The following ABL2 variants were observed in gnomAD, a reference collection of about 807,000 sequenced individuals.
ABL2 encodes the protein tyrosine-protein kinase ABL2.
ABL2 carries 49 observed loss-of-function variants against 107.7 expected under a neutral mutation model. That is an observed-to-expected ratio of 0.45 (90% CI 0.36 to 0.58). The LOEUF (loss-of-function observed/expected upper bound fraction) is 0.58. ABL2 is among the 20% of genes least tolerant of loss of function. The probability of loss-of-function intolerance (pLI) is 0.00; values close to 1 mark genes in which losing one functional copy is unlikely to be tolerated. For missense variants in ABL2, 1,245 were observed against 1,457.0 expected, an observed-to-expected ratio of 0.85 and a Z score of 2.37; for synonymous variants, 549 against 548.6, an observed-to-expected ratio of 1.00 and a Z score of -0.01.
At chr1:179,137,228 T>C (rs924114304) in intron 1 of ABL2, among the ~76,000 whole-genome samples, 3 of 152,188 alleles carry the variant, frequency 2.0e-5, no homozygotes, top group South Asian at 2.1e-4. Flanking sequence ...AAATCCATAT[T>C]GTAAAAAACA....
Position 179,146,817 on chromosome 1 carries a change from A to G in ABL2, c.158-13443T>C, listed in dbSNP as rs150026837. 5.7e-3 allele frequency among the ~76,000 whole-genome samples: 866 copies of G among 152,300 alleles called. 8 individuals are homozygous for G. Among genetic ancestry groups the G allele is most frequent in the African/African-American group, 0.02 (815 of 41,558 alleles). ...TGAGGAAAAAGGAAAGGAAAAAGAT[A>G]TATCACCCCAAAATATGTCTCTGAC... On this transcript the variant is annotated intron_variant, in intron 1 of 11. Transcript: ENST00000502732.
chr1:179,156,969 A>G (rs1658736605), intron 1 of ABL2, among the ~76,000 whole-genome samples: 1 of 152,150 alleles, frequency 6.6e-6, no homozygotes, highest in Non-Finnish European at 1.5e-5. Flanking sequence ...ATGCTCTGTC[A>G]GTATCAAACA....
intron 1 of ABL2, among the ~76,000 whole-genome samples, chr1:179,164,192 G>A (rs1659248151): frequency 6.6e-6 from 1 of 152,124 alleles, no homozygotes; most frequent in South Asian, 2.1e-4. Context: ...TTTACTGTGT[G>A]ACGATTTTTT....
In ABL2 at chr1:179,108,281, G is replaced by C. The variant is rs765274634; in HGVS notation, c.2986C>G (p.Pro996Ala). The part of the protein sequence containing the change: ...PPPVMRLLQH[P>A]SICSDPTEEP... ...TCTGTAGGGTCTGAGCAGATGGACG[G>C]ATGCTGCAGTAGTCTCATCACTGGT... The change falls in exon 12 of 12, where the codon CCG becomes GCG. Residue 996 changes from proline (P) to alanine (A), a missense_variant. Coordinates refer to ENST00000502732, the MANE Select transcript of ABL2 (RefSeq NM_007314.4). 19 of 1,613,974 alleles carry C rather than the reference G, an allele frequency of 1.2e-5. No homozygotes were observed. The highest frequency in any genetic ancestry group is 1.6e-4 in the Middle Eastern group (1 of 6,084).
chr1:179,211,306 C>T (rs974655710), intron 1 of ABL2, among the ~76,000 whole-genome samples: 5 of 152,012 alleles, frequency 3.3e-5, no homozygotes, highest in African/African-American at 1.2e-4. Context: ...TTGCTTTGAG[C>T]CCAGGAGTCT....
At chr1:179,208,981 T>C (rs1278888390) in intron 1 of ABL2, among the ~76,000 whole-genome samples, 3 of 152,156 alleles carry the variant, frequency 2.0e-5, no homozygotes, top group Non-Finnish European at 4.4e-5. Flanking sequence ...TAACAAAAAA[T>C]AACTAGAAAC....
chr1:179,135,451 C>G (rs1656799467), intron 1 of ABL2, among the ~76,000 whole-genome samples: 1 of 150,826 alleles, frequency 6.6e-6, no homozygotes. Context: ...GACCCTCCGC[C>G]TGGCAACCGC....
chr1:179,110,977 TG>T, intron 10 of ABL2: 1 of 1,313,404 alleles, frequency 7.6e-7, no homozygotes, highest in South Asian at 1.4e-5. Context: ...TTATTATTTT[TG>T]GCTTTTTTTT....
chr1:179,167,677 T>C (rs1010932438), intron 1 of ABL2, among the ~76,000 whole-genome samples: 2 of 152,216 alleles, frequency 1.3e-5, no homozygotes, highest in African/African-American at 2.4e-5. Flanking sequence ...TAATCACATA[T>C]ACCCAATAAA....
intron 1 of ABL2, among the ~76,000 whole-genome samples, chr1:179,213,144 TTATA>T (rs1024670079): frequency 6.6e-6 from 1 of 151,880 alleles, no homozygotes; most frequent in African/African-American, 2.4e-5. Context: ...AAATTAATTT[TTATA>T]TATATGTCTA....
At chr1:179,165,952 C>T (rs556558342) in intron 1 of ABL2, among the ~76,000 whole-genome samples, 21 of 152,152 alleles carry the variant, frequency 1.4e-4, no homozygotes, top group African/African-American at 4.8e-4. Context: ...CATGCTACCA[C>T]GCCCAGCTAA....
Position 179,120,292 on chromosome 1 carries a change from TAAGA to T in ABL2, c.961-22_961-19del, listed in dbSNP as rs766804848. On this transcript the variant is annotated intron_variant, in intron 5 of 11. Coordinates refer to ENST00000502732, the MANE Select transcript of ABL2 (RefSeq NM_007314.4). Reference sequence around the variant, plus strand: ...GTATCTTCCTAGAAAAAGGGAAAGGTAAGAAAGAAGAAAACGAGAGGGACAAACC... The same window carrying T: ...GTATCTTCCTAGAAAAAGGGAAAGGTAAGAAGAAAACGAGAGGGACAAACC... 1 of 1,561,006 alleles carries T rather than the reference TAAGA, an allele frequency of 6.4e-7. No individual in the cohort carries two copies. The highest frequency in any genetic ancestry group is 1.7e-5 in the Admixed American group (1 of 57,552).
chr1:179,208,263 A>T (rs1166431961), intron 1 of ABL2, among the ~76,000 whole-genome samples: 1 of 152,106 alleles, frequency 6.6e-6, no homozygotes, highest in Non-Finnish European at 1.5e-5. Flanking sequence ...TCAGGTAGTA[A>T]GCACGGTGCC....
chr1:179,128,248 A>T (rs1420121156), intron 3 of ABL2, among the ~76,000 whole-genome samples: 6 of 152,156 alleles, frequency 3.9e-5, no homozygotes, highest in Non-Finnish European at 8.8e-5. Context: ...ACCTATGGGT[A>T]CATAAAATAT....
chr1:179,119,715 C>CT (rs1557921846), intron 6 of ABL2, among the ~76,000 whole-genome samples: 1 of 152,066 alleles, frequency 6.6e-6, no homozygotes, highest in Non-Finnish European at 1.5e-5. Context: ...TAATTTGCTT[C>CT]TTTTCAACAG....
chr1:179,112,411 A>C lies in ABL2; in HGVS notation c.1562-13T>G. Reference sequence around the variant, plus strand: ...CTCCACTTCCAGCCTATGTAACAGAAGAAAAAATATTAAAAACTCCTTGCA... The same window carrying C: ...CTCCACTTCCAGCCTATGTAACAGACGAAAAAATATTAAAAACTCCTTGCA... On this transcript the variant is annotated splice_polypyrimidine_tract_variant and intron_variant, in intron 9 of 11. Coordinates refer to ENST00000502732, the MANE Select transcript of ABL2 (RefSeq NM_007314.4). The C allele has an allele frequency of 1.9e-6, 3 of 1,606,880 alleles. No homozygotes were observed. The East Asian group carries it at 6.7e-5, about 36-fold the overall frequency.
chr1:179,173,647 G>T (rs1264371843), intron 1 of ABL2, among the ~76,000 whole-genome samples: 1 of 152,100 alleles, frequency 6.6e-6, no homozygotes, highest in Non-Finnish European at 1.5e-5. Context: ...ACCATGCCCA[G>T]CCAGAAAGGC....
At position 179,229,285 on chromosome 1, in the gene ABL2, G is replaced by A. The variant is rs1393597219; in HGVS notation, c.113C>T (p.Ala38Val). Residue 38 changes from alanine (A) to valine (V), a missense_variant, in exon 1 of 12, where the codon GCG becomes GTG. Physicochemically the swap from Ala to Val is moderately conservative, Grantham distance 64 (BLOSUM62 0). Transcript: ENST00000502732. The part of the protein sequence containing the change: ...ARPSGRRRDP[A>V]GRTTETGFNI... ...GAAGCCGGTCTCTGTGGTGCGCCCC[G>A]CCGGGTCCCGCCTGCGGCCGGAGGG... 2.6e-6 allele frequency: 4 copies of A among 1,567,964 alleles called. No individual in the cohort carries two copies. The highest frequency in any genetic ancestry group is 3.5e-6 in the Non-Finnish European group (4 of 1,159,164).
rs78244569 is a variant in ABL2 at position 179,213,061 on chromosome 1, A to G, written c.157+16180T>C. Among the ~76,000 whole-genome samples the G allele has an allele frequency of 6.8e-4, 101 of 148,272 alleles. 1 individual carries two copies. Among genetic ancestry groups the G allele is most frequent in the Admixed American group, 1.4e-3 (20 of 14,782 alleles). ...AACTCCGTCTCAAAAAAAAAAAAAA[A>G]AAAGAAATATAATGCAAGCTACAAA... is the stretch of plus-strand genomic sequence containing the variant. On this transcript the variant is annotated intron_variant, in intron 1 of 11. Transcript: ENST00000502732.
Sources: gnomAD v4.1 joint callset for allele counts (sites outside exome capture counted in the v4.1 genomes callset) on GRCh38, gnomAD v4.1.1 for gene constraint, MANE v1.5 for transcripts, NCBI Gene and HGNC (gene_info 2026-07-23, HGNC 2026-07-21) for gene names.